TSHR: variants seen among roughly 807,000 people sequenced by gnomAD.
The protein encoded by TSHR is thyroid stimulating hormone receptor, also known as thyrotropin receptor.
In TSHR, 51 loss-of-function variants were observed where a neutral mutation model predicts 64.1. The observed-to-expected ratio is 0.80, with a 90% CI of 0.64 to 1.01. The LOEUF (loss-of-function observed/expected upper bound fraction) is 1.01. Among genes scored for constraint, TSHR ranks in the 50% least tolerant of loss-of-function variants. The probability of loss-of-function intolerance (pLI) is 0.00; values close to 1 mark genes in which losing one functional copy is unlikely to be tolerated. For synonymous variants in TSHR, 361 were observed against 361.9 expected, an observed-to-expected ratio of 1.00 and a Z score of 0.03; for missense variants, 877 against 942.8, an observed-to-expected ratio of 0.93 and a Z score of 0.91.
At chr14:80,970,049 G>A (rs1887517381) in intron 1 of TSHR, among the ~76,000 whole-genome samples, 1 of 152,162 alleles carries the variant, frequency 6.6e-6, no homozygotes, top group Admixed American at 6.5e-5. Flanking sequence ...CTATCCTTTA[G>A]GGCCACCCTT....
At chr14:81,114,377 C>T (rs900380058) in intron 8 of TSHR, among the ~76,000 whole-genome samples, 52 of 152,314 alleles carry the variant, frequency 3.4e-4, no homozygotes, top group African/African-American at 1.0e-3. Flanking sequence ...GAAGCGCAAG[C>T]GGTCAGGGAG....
At position 80,955,849 on chromosome 14, in the gene TSHR, C is replaced by T. The variant is rs1566735516; in HGVS notation, c.169C>T (p.Leu57=). 1 of 1,614,190 alleles carries T rather than the reference C, an allele frequency of 6.2e-7. No homozygotes were observed. Among genetic ancestry groups the T allele is most frequent in the Non-Finnish European group, 8.5e-7 (1 of 1,180,032 alleles). Residue 57 remains leucine (L), a splice_region_variant and synonymous_variant, in exon 1 of 10, where the codon CTG becomes TTG. Coordinates refer to ENST00000298171, the MANE Select transcript of TSHR (RefSeq NM_000369.5). The stretch of plus-strand genomic sequence containing the variant: ...CAGCTTACCGCCCAGTACGCAGACT[C>T]TGTGAGTACCCGGGAGAGATCAGGG... The part of the protein sequence containing the change: ...IPSLPPSTQT[L]KLIETHLRTI...
At chr14:81,050,619 G>A (rs1885382573) in intron 1 of TSHR, 3 of 152,126 alleles carry the variant, frequency 2.0e-5, no homozygotes. Context: ...CATCTTCATA[G>A]CAACTCCATG....
chr14:81,084,763 C>T (rs1465824990), intron 3 of TSHR, among the ~76,000 whole-genome samples: 1 of 152,210 alleles, frequency 6.6e-6, no homozygotes, highest in Non-Finnish European at 1.5e-5. Context: ...CCTGCACACT[C>T]AGGCCATAAT....
intron 1 of TSHR, among the ~76,000 whole-genome samples, chr14:80,997,497 C>A (rs1237425006): frequency 6.6e-6 from 1 of 152,158 alleles, no homozygotes; most frequent in Non-Finnish European, 1.5e-5. Context: ...GGTTTTATTC[C>A]TGTAGTTGCC....
chr14:81,029,190 C>T (rs1467246537), intron 1 of TSHR, among the ~76,000 whole-genome samples: 1 of 151,948 alleles, frequency 6.6e-6, no homozygotes, highest in Non-Finnish European at 1.5e-5. Flanking sequence ...CTCCCTTTTC[C>T]CATGTAAAAT....
chr14:81,072,462 C>A (rs1363151573), intron 3 of TSHR, among the ~76,000 whole-genome samples: 2 of 152,088 alleles, frequency 1.3e-5, no homozygotes, highest in East Asian at 3.9e-4. Flanking sequence ...AGGGCAGCTA[C>A]TAAAATGCTT....
chr14:81,051,613 T>C (rs1291477947), intron 1 of TSHR: 1 of 152,184 alleles, frequency 6.6e-6, no homozygotes, highest in African/African-American at 2.4e-5. Context: ...ATAACCTTCA[T>C]ACTTTTTCCA....
chr14:81,087,860 T>C lies in TSHR; in HGVS notation c.318-94T>C, dbSNP rs772811474. The C allele has an allele frequency of 1.1e-5, 11 of 1,041,610 alleles. No homozygotes were observed. In the East Asian group the frequency reaches 2.1e-4, roughly 20 times the overall value. 64.5% of individuals were successfully genotyped at this position (1,041,610 alleles called of 1,614,324 possible). The stretch of plus-strand genomic sequence containing the variant: ...GTGGCGTAAATGCATATTTTTCTCA[T>C]GAACGTTTGTTAAAACTGATTTATG... On this transcript the variant is annotated intron_variant, in intron 3 of 9. Coordinates refer to ENST00000298171, the MANE Select transcript of TSHR (RefSeq NM_000369.5).
chr14:81,098,243 A>G (rs1889343642), intron 7 of TSHR, among the ~76,000 whole-genome samples: 1 of 152,234 alleles, frequency 6.6e-6, no homozygotes, highest in Non-Finnish European at 1.5e-5. Flanking sequence ...AATCCAAAAT[A>G]TGCATCTCAG....
intron 1 of TSHR, among the ~76,000 whole-genome samples, chr14:81,045,338 T>C (rs1885124715): frequency 6.6e-6 from 1 of 152,206 alleles, no homozygotes; most frequent in South Asian, 2.1e-4. Context: ...TTTATACATT[T>C]GGTAGAATTC....
At chr14:81,047,551 G>T (rs551152938) in intron 1 of TSHR, among the ~76,000 whole-genome samples, 1 of 152,072 alleles carries the variant, frequency 6.6e-6, no homozygotes, top group African/African-American at 2.4e-5. Flanking sequence ...CTGCCAAAAG[G>T]CATGTGAAAA....
chr14:80,960,672 T>A (rs78644985), intron 1 of TSHR, among the ~76,000 whole-genome samples: 4,068 of 152,336 alleles, frequency 0.027, 179 homozygotes, highest in African/African-American at 0.092. Context: ...TATATATGTG[T>A]GTATTTAAAT....
intron 1 of TSHR, among the ~76,000 whole-genome samples, chr14:81,003,076 G>A (rs190652543): frequency 0.02 from 1,345 of 66,376 alleles, 270 homozygotes; most frequent in Non-Finnish European, 0.028. Context: ...GAGAATATGC[G>A]GTGTTTGCTA....
At chr14:81,104,135 T>G in intron 7 of TSHR, 1 of 985,462 alleles carries the variant, frequency 1.0e-6, no homozygotes, top group Non-Finnish European at 1.2e-6. Flanking sequence ...CTCTGCCTAT[T>G]GAGAGCTTGA....
intron 3 of TSHR, among the ~76,000 whole-genome samples, chr14:81,083,667 C>T (rs1888071058): frequency 6.6e-6 from 1 of 152,142 alleles, no homozygotes; most frequent in Admixed American, 6.5e-5. Flanking sequence ...AATTCACACC[C>T]TCCCTCAGGT....
intron 1 of TSHR, among the ~76,000 whole-genome samples, chr14:80,990,304 G>A (rs1454180488): frequency 6.6e-6 from 1 of 152,222 alleles, no homozygotes; most frequent in Non-Finnish European, 1.5e-5. Context: ...TCTGTGGCCA[G>A]GCTGTATGGA....
intron 1 of TSHR, among the ~76,000 whole-genome samples, chr14:81,035,374 C>T (rs1239975662): frequency 6.6e-6 from 1 of 152,158 alleles, no homozygotes; most frequent in East Asian, 1.9e-4. Context: ...CCTCACTGGA[C>T]AAGTCATGTG....
At chr14:81,000,410 A>G (rs1371946490) in intron 1 of TSHR, among the ~76,000 whole-genome samples, 1 of 148,098 alleles carries the variant, frequency 6.8e-6, no homozygotes, top group African/African-American at 2.5e-5. Flanking sequence ...GAATATTTTC[A>G]TGCTTTTATT....
Sources: gnomAD v4.1 joint callset for allele counts (sites outside exome capture counted in the v4.1 genomes callset) on GRCh38, gnomAD v4.1.1 for gene constraint, MANE v1.5 for transcripts, NCBI Gene and HGNC (gene_info 2026-07-23, HGNC 2026-07-21) for gene names.